ASIC2: variants seen among roughly 807,000 people sequenced by gnomAD.
ASIC2 encodes acid sensing ion channel subunit 2, also known as acid-sensing ion channel 2.
In ASIC2, 25 loss-of-function variants were observed where a neutral mutation model predicts 57.3. The observed-to-expected ratio is 0.44, with a 90% CI of 0.32 to 0.61. The LOEUF (loss-of-function observed/expected upper bound fraction) is 0.61, where lower values mean the gene tolerates loss of function less well. ASIC2 is among the 20% of genes least tolerant of loss of function. The probability of loss-of-function intolerance (pLI) is 0.06; values close to 1 mark genes in which losing one functional copy is unlikely to be tolerated. For missense variants in ASIC2, 641 were observed against 738.1 expected (o/e 0.87, Z 1.52); for synonymous variants, 319 against 307.5 (o/e 1.04, Z -0.39).
chr17:33,154,152 C>T (rs893057371), intron 1 of ASIC2, among the ~76,000 whole-genome samples: 1 of 152,190 alleles, frequency 6.6e-6, no homozygotes, highest in African/African-American at 2.4e-5. Flanking sequence ...AACCCAACCT[C>T]AGACAATGTA....
intron 1 of ASIC2, among the ~76,000 whole-genome samples, chr17:33,967,544 T>C (rs1222776468): frequency 6.6e-6 from 1 of 152,144 alleles, no homozygotes; most frequent in African/African-American, 2.4e-5. Context: ...CTGATTCGAA[T>C]TCTTAAACAC....
chr17:33,293,136 G>C lies in ASIC2; in HGVS notation c.-1021C>G. On this transcript the variant is annotated 5_prime_UTR_variant, in exon 1 of 10. Coordinates refer to ENST00000225823, the MANE Select transcript of ASIC2 (RefSeq NM_183377.2). ...GCTCCGCGCGCCCTTCTCCTCTCGA[G>C]ACTCCGAGCTCGCGGTGGCCGTGAC... 1.4e-6 allele frequency: 1 copy of C among 739,324 alleles called. No homozygotes were observed. Among genetic ancestry groups the C allele is most frequent in the Non-Finnish European group, 1.7e-6 (1 of 605,410 alleles). 45.8% of individuals were successfully genotyped at this position (739,324 alleles called of 1,614,324 possible). A position where few individuals can be genotyped will look rare whatever the true frequency, so the allele number is the denominator to read the frequency against.
At chr17:33,577,713 CAACT>C (rs1302659718) in intron 1 of ASIC2, among the ~76,000 whole-genome samples, 1 of 152,112 alleles carries the variant, frequency 6.6e-6, no homozygotes, top group Non-Finnish European at 1.5e-5. Flanking sequence ...AATTAGCCAC[CAACT>C]GAGAGATGTC....
intron 1 of ASIC2, among the ~76,000 whole-genome samples, chr17:34,119,612 G>GACACACAC (rs71369048): frequency 5.5e-4 from 82 of 148,026 alleles, no homozygotes; most frequent in African/African-American, 1.7e-3. Context: ...TCTCTACACA[G>GACACACAC]ACACACACAC....
At chr17:33,650,483 T>C (rs1906883946) in intron 1 of ASIC2, among the ~76,000 whole-genome samples, 1 of 152,170 alleles carries the variant, frequency 6.6e-6, no homozygotes, top group African/African-American at 2.4e-5. Flanking sequence ...TGGGCATTTA[T>C]CCCAGAGAAA....
At chr17:33,211,421 A>C (rs1252699679) in intron 1 of ASIC2, among the ~76,000 whole-genome samples, 1 of 152,012 alleles carries the variant, frequency 6.6e-6, no homozygotes, top group Non-Finnish European at 1.5e-5. Context: ...TTAAACATTA[A>C]CCAGCGCACG....
At chr17:34,039,106 A>G in intron 1 of ASIC2, 4 of 1,614,034 alleles carry the variant, frequency 2.5e-6, no homozygotes, top group Non-Finnish European at 3.4e-6. Flanking sequence ...GTATTTCTCT[A>G]GCATCTTTTG....
At chr17:33,369,617 G>C (rs1020490349) in intron 1 of ASIC2, among the ~76,000 whole-genome samples, 1 of 152,128 alleles carries the variant, frequency 6.6e-6, no homozygotes, top group Non-Finnish European at 1.5e-5. Context: ...CTTATTCTTT[G>C]TAACAATCCT....
intron 1 of ASIC2, among the ~76,000 whole-genome samples, chr17:33,306,142 A>G (rs1906162038): frequency 6.6e-6 from 1 of 152,242 alleles, no homozygotes; most frequent in African/African-American, 2.4e-5. Context: ...GGAATAAACG[A>G]TAAAAGAGAA....
intron 5 of ASIC2, among the ~76,000 whole-genome samples, chr17:33,025,146 C>G (rs2091853606): frequency 6.6e-6 from 1 of 152,174 alleles, no homozygotes; most frequent in Admixed American, 6.5e-5. Context: ...CCTCACTTAG[C>G]TCCAGCAAGT....
intron 1 of ASIC2, among the ~76,000 whole-genome samples, chr17:33,978,427 T>G (rs1343000289): frequency 2.0e-5 from 3 of 152,138 alleles, no homozygotes; most frequent in Non-Finnish European, 4.4e-5. Flanking sequence ...ACTGTGTGAT[T>G]AGAATGTCTT....
intron 1 of ASIC2, among the ~76,000 whole-genome samples, chr17:33,352,574 T>G (rs531322968): frequency 4.6e-5 from 7 of 152,304 alleles, no homozygotes; most frequent in Admixed American, 3.9e-4. Flanking sequence ...CATCGAACTC[T>G]GTGGCTCAAA....
intron 1 of ASIC2, among the ~76,000 whole-genome samples, chr17:33,332,522 C>A (rs1907352391): frequency 6.6e-6 from 1 of 152,126 alleles, no homozygotes; most frequent in Admixed American, 6.5e-5. Flanking sequence ...TCAAGAGACA[C>A]ATGTGCTAGT....
intron 1 of ASIC2, chr17:34,041,354 G>A (rs921369053): frequency 1.3e-5 from 2 of 152,164 alleles, no homozygotes; most frequent in African/African-American, 4.8e-5. Flanking sequence ...CATGACAAGA[G>A]CCTCTCCACA....
chr17:34,148,042 T>C lies in ASIC2; in HGVS notation c.555+7936A>G, dbSNP rs1598047703. On this transcript the variant is annotated intron_variant, in intron 1 of 9. Coordinates refer to the ASIC2 transcript ENST00000359872. ...TTTGTTAAATTCATCTCTTCATTAA[T>C]GGAAGAACTTTCTATAGAGAGGAAA... is the stretch of plus-strand genomic sequence containing the variant. 2.6e-5 allele frequency among the ~76,000 whole-genome samples: 4 copies of C among 152,266 alleles called. No homozygotes were observed. The South Asian group carries it at 8.3e-4, about 32-fold the overall frequency.
chr17:33,047,515 T>C (rs2091960277), intron 3 of ASIC2, among the ~76,000 whole-genome samples: 1 of 151,986 alleles, frequency 6.6e-6, no homozygotes, highest in Non-Finnish European at 1.5e-5. Flanking sequence ...AATTTTGTTA[T>C]TTTTTGTAGA....
intron 1 of ASIC2, among the ~76,000 whole-genome samples, chr17:33,658,431 G>A (rs1307650226): frequency 2.6e-5 from 4 of 152,210 alleles, no homozygotes; most frequent in Admixed American, 1.3e-4. Flanking sequence ...TAAGGCAGCA[G>A]TTTGCTCTGG....
At chr17:33,845,291 T>C (rs925740791) in intron 1 of ASIC2, among the ~76,000 whole-genome samples, 11 of 152,256 alleles carry the variant, frequency 7.2e-5, no homozygotes, top group South Asian at 2.1e-4. Context: ...CATGGAAACG[T>C]ACCTCCAAAT....
chr17:34,132,772 G>T (rs140556458), intron 1 of ASIC2, among the ~76,000 whole-genome samples: 2 of 152,186 alleles, frequency 1.3e-5, no homozygotes, highest in Non-Finnish European at 2.9e-5. Context: ...ACCACTGTGG[G>T]CTGTTGTTAG....
Sources: gnomAD v4.1 joint callset for allele counts (sites outside exome capture counted in the v4.1 genomes callset) on GRCh38, gnomAD v4.1.1 for gene constraint, MANE v1.5 for transcripts, NCBI Gene and HGNC (gene_info 2026-07-23, HGNC 2026-07-21) for gene names.